Variants in DUSP8 observed in about 807,000 individuals in gnomAD.
The protein encoded by DUSP8 is dual specificity phosphatase 8, also known as dual specificity protein phosphatase 8.
DUSP8 carries 15 observed loss-of-function variants against 38.7 expected under a neutral mutation model. The ratio of observed to expected loss-of-function variants is 0.39; its 90% CI spans 0.26 to 0.60. The LOEUF is 0.60. Among genes scored for constraint, DUSP8 ranks in the 20% least tolerant of loss-of-function variants. The pLI is 0.56. For synonymous variants in DUSP8, 458 were observed against 433.9 expected, an observed-to-expected ratio of 1.06 and a Z score of -0.69; for missense variants, 768 against 915.0, an observed-to-expected ratio of 0.84 and a Z score of 2.07.
At position 1,558,414 on chromosome 11, in the gene DUSP8, AG is replaced by A; in HGVS notation, c.538-144del. The A allele has an allele frequency of 1.4e-6, 1 of 706,976 alleles. No homozygotes were observed. 43.8% of individuals were successfully genotyped at this position (706,976 alleles called of 1,614,324 possible). A position where few individuals can be genotyped will look rare whatever the true frequency, so the allele number is the denominator to read the frequency against. ...ATTTGTCCCAGATCCCAGTGTATCC[AG>A]GGGAGGGCCCAGGAGGCCTCTCTGG... On this transcript the variant is annotated intron_variant, in intron 4 of 6. Transcript: ENST00000397374. The surrounding 1 kb of genome is among the most constrained non-coding windows in gnomAD (Gnocchi z 6.3).
In DUSP8 at chr11:1,557,309, T is replaced by TG; in HGVS notation, c.1086dup (p.Thr363HisfsTer26). ...TGCAGTGCGCTGGTCGCCGGGGGCG[T>TG]GGGGGGCGCGGGGGGCTCCCCGCCC... On this transcript the variant is annotated frameshift_variant, in exon 7 of 7. Transcript: ENST00000397374. LOFTEE classifies it high-confidence loss of function. This position sits in a 1 kb window ranked among gnomAD's most constrained non-coding sequence, Gnocchi z 9.9. The TG allele has an allele frequency of 3.4e-6, 5 of 1,473,154 alleles. No homozygotes were observed. Among genetic ancestry groups the TG allele is most frequent in the Non-Finnish European group, 4.5e-6 (5 of 1,122,700 alleles). 91.3% of individuals were successfully genotyped at this position (1,473,154 alleles called of 1,614,324 possible).
At chr11:1,563,534 A>G (rs1228157300) in intron 3 of DUSP8, among the ~76,000 whole-genome samples, 4 of 152,064 alleles carry the variant, frequency 2.6e-5, no homozygotes, top group Non-Finnish European at 5.9e-5. Context: ...GCTCCAACTG[A>G]GTTTCCAGAG....
chr11:1,556,867 G>A lies in DUSP8; in HGVS notation c.1529C>T (p.Pro510Leu), dbSNP rs1848634334. 1.3e-5 allele frequency: 15 copies of A among 1,123,404 alleles called. No individual in the cohort carries two copies. Among genetic ancestry groups the A allele is most frequent in the East Asian group, 4.7e-5 (1 of 21,090 alleles). The allele number at this position is 1,123,404 out of a possible 1,614,324, so 69.6% of individuals were successfully genotyped here. A position where few individuals can be genotyped will look rare whatever the true frequency, so the allele number is the denominator to read the frequency against. The change falls in exon 7 of 7, where the codon CCG becomes CTG. Residue 510 changes from proline to leucine, a missense_variant. Around this residue, in one of 3 missense-constraint regions of DUSP8, gnomAD observed 474 missense variants for 430.8 expected, o/e 1.10. Coordinates refer to ENST00000397374, the MANE Select transcript of DUSP8 (RefSeq NM_004420.3). The surrounding 1 kb of genome is among the most constrained non-coding windows in gnomAD (Gnocchi z 5.2). Reference protein sequence around the residue: ...GQPAGPGAWAPPLDSPGTPSP... With the variant: ...GQPAGPGAWALPLDSPGTPSP... ...CGGCGTGCCTGGGGAGTCGAGCGGCGGTGCCCAGGCCCCGGGGCCGGCCGG... is the reference window on the plus strand; with the variant it reads ...CGGCGTGCCTGGGGAGTCGAGCGGCAGTGCCCAGGCCCCGGGGCCGGCCGG...
Position 1,555,164 on chromosome 11 carries a change from G to C in DUSP8, c.*1354C>G, listed in dbSNP as rs34670501. On this transcript the variant is annotated 3_prime_UTR_variant, in exon 7 of 7. Coordinates refer to ENST00000397374, the MANE Select transcript of DUSP8 (RefSeq NM_004420.3). Reference sequence around the variant, plus strand: ...AGGGCAGGGGTCCCAATGGCCCGAGGGGGTATGGGGCAGGGGCAGCAGGCT... The same window carrying C: ...AGGGCAGGGGTCCCAATGGCCCGAGCGGGTATGGGGCAGGGGCAGCAGGCT... 23,683 of 987,924 alleles carry C rather than the reference G, an allele frequency of 0.024. 320 individuals are homozygous for C. The highest frequency in any genetic ancestry group is 0.026 in the Non-Finnish European group (21,887 of 830,202). The allele number at this position is 987,924 out of a possible 1,614,324, so 61.2% of individuals were successfully genotyped here.
In DUSP8 at chr11:1,556,736, T is replaced by C; in HGVS notation, c.1660A>G (p.Ser554Gly). Residue 554 changes from serine to glycine, a missense_variant, in exon 7 of 7, where the codon AGC (serine) becomes GGC (glycine). Ser to Gly is a moderately conservative substitution (Grantham distance 56). Coordinates refer to ENST00000397374, the MANE Select transcript of DUSP8 (RefSeq NM_004420.3). The surrounding 1 kb of genome is among the most constrained non-coding windows in gnomAD (Gnocchi z 5.2). ...GCTGCCTCCCGCCGCCGCAGGTCGC[T>C]GCCGCCGCCTGGTCCCGGGGCGCCC... ...RAGAPGPGGG[S>G]DLRRREAARA... The C allele has an allele frequency of 2.4e-6, 3 of 1,225,388 alleles. No homozygotes were observed. The highest frequency in any genetic ancestry group is 3.1e-6 in the Non-Finnish European group (3 of 983,596). 75.9% of individuals were successfully genotyped at this position (1,225,388 alleles called of 1,614,324 possible).
chr11:1,568,835 C>G (rs1015045011), intron 1 of DUSP8, among the ~76,000 whole-genome samples: 1 of 152,228 alleles, frequency 6.6e-6, no homozygotes, highest in Non-Finnish European at 1.5e-5. Context: ...CAGGAAGCCT[C>G]TGTGCCATGC....
At position 1,556,809 on chromosome 11, in the gene DUSP8, C is replaced by G; in HGVS notation, c.1587G>C (p.Glu529Asp). Residue 529 changes from glutamate (E) to aspartate (D), a missense_variant, in exon 7 of 7, where the codon GAG (glutamate) becomes GAC (aspartate). By Grantham distance (45) the Glu-to-Asp change is conservative. Around this residue, in one of 3 missense-constraint regions of DUSP8, gnomAD observed 474 missense variants for 430.8 expected, o/e 1.10. Transcript: ENST00000397374. This position sits in a 1 kb window ranked among gnomAD's most constrained non-coding sequence, Gnocchi z 5.2. ...GCACCCCGCCCGCCCCCTGTGCGCC[C>G]TCGGGGCTGAAGCACCAGGGCCCGT... ...SPDGPWCFSP[E>D]GAQGAGGVLF... The G allele has an allele frequency of 2.6e-6, 3 of 1,169,130 alleles. No homozygotes were observed. The highest frequency in any genetic ancestry group is 3.2e-6 in the Non-Finnish European group (3 of 947,890). 72.4% of individuals were successfully genotyped at this position (1,169,130 alleles called of 1,614,324 possible).
rs560985521 is a variant in DUSP8 at position 1,554,701 on chromosome 11, G to C, written c.*1817C>G. On this transcript the variant is annotated 3_prime_UTR_variant, in exon 7 of 7. Coordinates refer to ENST00000397374, the MANE Select transcript of DUSP8 (RefSeq NM_004420.3). ...ACTGTCTCCCGGACAGCACAGGGGT[G>C]GGGGGCGAGAAGCGGGAAGCCAGTG... 4.9e-5 allele frequency: 41 copies of C among 839,296 alleles called. No homozygotes were observed. Among genetic ancestry groups the C allele is most frequent in the Non-Finnish European group, 5.9e-5 (41 of 694,622 alleles). The allele number at this position is 839,296 out of a possible 1,614,324, so 52.0% of individuals were successfully genotyped here.
intron 3 of DUSP8, among the ~76,000 whole-genome samples, chr11:1,560,275 C>T (rs1468486787): frequency 6.6e-6 from 1 of 152,134 alleles, no homozygotes; most frequent in African/African-American, 2.4e-5. Context: ...AACCCCAGGG[C>T]TCTTTTTTGT....
chr11:1,560,347 G>T (rs1185262358), intron 3 of DUSP8, among the ~76,000 whole-genome samples: 1 of 152,116 alleles, frequency 6.6e-6, no homozygotes, highest in Non-Finnish European at 1.5e-5. Context: ...TGCCCCGCGT[G>T]CCCCCAGTGC....
rs764391300 is a variant in DUSP8 at position 1,557,325 on chromosome 11, C to T, written c.1071G>A (p.Glu357=). 6.6e-7 allele frequency: 1 copy of T among 1,503,986 alleles called. No individual in the cohort carries two copies. 93.2% of individuals were successfully genotyped at this position (1,503,986 alleles called of 1,614,324 possible). A position where few individuals can be genotyped will look rare whatever the true frequency, so the allele number is the denominator to read the frequency against. The part of the protein sequence containing the change: ...AREGGLSAGG[E]PPAPPTPPAT... ...CCGGGGGCGTGGGGGGCGCGGGGGG[C>T]TCCCCGCCCGCGCTCAGGCCGCCCT... The change falls in exon 7 of 7, where the codon GAG becomes GAA. Residue 357 remains glutamate (E), a synonymous_variant. Coordinates refer to ENST00000397374, the MANE Select transcript of DUSP8 (RefSeq NM_004420.3). The surrounding 1 kb of genome is among the most constrained non-coding windows in gnomAD (Gnocchi z 9.9).
Position 1,557,602 on chromosome 11 carries a change from C to T in DUSP8, c.822-28G>A, listed in dbSNP as rs763634422. 19 of 1,500,914 alleles carry T rather than the reference C, an allele frequency of 1.3e-5. No homozygotes were observed. Among genetic ancestry groups the T allele is most frequent in the Middle Eastern group, 2.4e-4 (1 of 4,126 alleles). The allele number at this position is 1,500,914 out of a possible 1,614,324, so 93.0% of individuals were successfully genotyped here. On this transcript the variant is annotated intron_variant, in intron 6 of 6. Coordinates refer to ENST00000397374, the MANE Select transcript of DUSP8 (RefSeq NM_004420.3). This position sits in a 1 kb window ranked among gnomAD's most constrained non-coding sequence, Gnocchi z 9.9. Reference sequence around the variant, plus strand: ...GCGGGGGAGGAGGCTCAGTCCCAGGCGCCCGCCGGGGCCAGGCTGCCCACC... The same window carrying T: ...GCGGGGGAGGAGGCTCAGTCCCAGGTGCCCGCCGGGGCCAGGCTGCCCACC...
rs1848761299 is a variant in DUSP8 at position 1,563,958 on chromosome 11, A to G, written c.263T>C (p.Val88Ala). The G allele has an allele frequency of 1.3e-6, 2 of 1,524,088 alleles. No homozygotes were observed. The highest frequency in any genetic ancestry group is 2.1e-5 in the Admixed American group (1 of 48,196). The allele number at this position is 1,524,088 out of a possible 1,614,324, so 94.4% of individuals were successfully genotyped here. ...GGCGTCCCGCGTGCTCTGGTCATAG[A>G]CCACCACGTCCTGTGGCTCCGTAGC... The part of the protein sequence containing the change: ...VEATEPQDVV[V>A]YDQSTRDASV... Residue 88 changes from valine to alanine, a missense_variant, in exon 3 of 7, where the codon GTC (valine) becomes GCC (alanine). By Grantham distance (64) the Val-to-Ala change is moderately conservative. This residue lies in a region of DUSP8 where 252 missense variants were observed against 410.4 expected (regional missense o/e 0.61). Coordinates refer to ENST00000397374, the MANE Select transcript of DUSP8 (RefSeq NM_004420.3).
rs750486625 is a variant in DUSP8, at chr11:1,558,200, G to A, written c.609C>T (p.Ile203=). The A allele has an allele frequency of 2.5e-6, 4 of 1,585,292 alleles. No individual in the cohort carries two copies. Among genetic ancestry groups the A allele is most frequent in the Non-Finnish European group, 3.4e-6 (4 of 1,162,452 alleles). The change falls in exon 5 of 7, where the codon ATC becomes ATT. Residue 203 remains isoleucine (I), a synonymous_variant. Transcript: ENST00000397374. The surrounding 1 kb of genome is among the most constrained non-coding windows in gnomAD (Gnocchi z 6.3). ...ASNSCPKPDF[I]CESRFMRVPI... is the part of the protein sequence containing the mutation. Reference sequence around the variant, plus strand: ...GGACCCGCATGAAGCGGCTCTCGCAGATGAAGTCAGGCTTGGGGCAGGAGT... The same window carrying A: ...GGACCCGCATGAAGCGGCTCTCGCAAATGAAGTCAGGCTTGGGGCAGGAGT...
rs1848636840 is a variant in DUSP8, at chr11:1,556,967, C to G, written c.1429G>C (p.Gly477Arg). The G allele has an allele frequency of 2.8e-6, 3 of 1,060,570 alleles. No individual in the cohort carries two copies. Among genetic ancestry groups the G allele is most frequent in the Non-Finnish European group, 3.4e-6 (3 of 880,400 alleles). 65.7% of individuals were successfully genotyped at this position (1,060,570 alleles called of 1,614,324 possible). A position where few individuals can be genotyped will look rare whatever the true frequency, so the allele number is the denominator to read the frequency against. Reference protein sequence around the residue: ...SPAHSLGLNFGDAARQTPRHG... With the variant: ...SPAHSLGLNFRDAARQTPRHG... ...CGCGGAGTCTGCCGGGCCGCATCGC[C>G]GAAGTTCAGGCCGAGGCTGTGCGCG... The change falls in exon 7 of 7, where the codon GGC becomes CGC. Residue 477 changes from glycine to arginine, a missense_variant. Transcript: ENST00000397374. The surrounding 1 kb of genome is among the most constrained non-coding windows in gnomAD (Gnocchi z 5.2).
At chr11:1,563,739 T>C in intron 3 of DUSP8, 112 bp downstream of exon 3, 1 of 1,157,820 alleles carries the variant, frequency 8.6e-7, no homozygotes, top group Non-Finnish European at 1.2e-6. Flanking sequence ...GAACCACAGA[T>C]GTATGGAGAT....
Position 1,558,068 on chromosome 11 carries a change from C to A in DUSP8, c.697+44G>T, listed in dbSNP as rs756320305. 1.9e-6 allele frequency: 3 copies of A among 1,611,586 alleles called. No individual in the cohort carries two copies. The highest frequency in any genetic ancestry group is 2.5e-6 in the Non-Finnish European group (3 of 1,179,744). ...GTCTGTGGCCACACACAGCTCTAGC[C>A]TTCCTCTAGCCAGGTCCCTGCCCTC... On this transcript the variant is annotated intron_variant, in intron 5 of 6. Coordinates refer to ENST00000397374, the MANE Select transcript of DUSP8 (RefSeq NM_004420.3). This position sits in a 1 kb window ranked among gnomAD's most constrained non-coding sequence, Gnocchi z 6.3.
rs1241803385 is a variant in DUSP8, at chr11:1,557,050, G to A, written c.1346C>T (p.Ala449Val). Reference sequence around the variant, plus strand: ...GGGCCGCCGGCGGGGCCGTGGGCGCGCCTCAGGCGCGGCGTCCGGGCTGTC... The same window carrying A: ...GGGCCGCCGGCGGGGCCGTGGGCGCACCTCAGGCGCGGCGTCCGGGCTGTC... Reference protein sequence around the residue: ...SPDSPDAAPEARPRPRRRPRP... With the variant: ...SPDSPDAAPEVRPRPRRRPRP... The change falls in exon 7 of 7, where the codon GCG (alanine) becomes GTG (valine). Residue 449 changes from alanine (A) to valine (V), a missense_variant. Physicochemically the swap from Ala to Val is moderately conservative, Grantham distance 64 (BLOSUM62 0). Transcript: ENST00000397374. The surrounding 1 kb of genome is among the most constrained non-coding windows in gnomAD (Gnocchi z 9.9). The A allele has an allele frequency of 4.4e-6, 5 of 1,143,628 alleles. No individual in the cohort carries two copies. The highest frequency in any genetic ancestry group is 1.6e-5 in the African/African-American group (1 of 60,690). The allele number at this position is 1,143,628 out of a possible 1,614,324, so 70.8% of individuals were successfully genotyped here.
chr11:1,566,336 A>C (rs565005168), intron 1 of DUSP8, among the ~76,000 whole-genome samples: 5 of 152,066 alleles, frequency 3.3e-5, no homozygotes, highest in African/African-American at 1.2e-4. Context: ...TCACCCTCCC[A>C]CATGGTCAAG....
Sources: allele counts gnomAD v4.1 joint callset (sites outside exome capture counted in the v4.1 genomes callset), GRCh38; gene constraint gnomAD v4.1.1; regional missense constraint gnomAD v4.1.1; non-coding constraint Gnocchi (gnomAD v3.1); transcripts MANE v1.5; gene names NCBI Gene and HGNC (gene_info 2026-07-23, HGNC 2026-07-21).